Variants in CTXN2 observed in about 807,000 individuals in gnomAD.
CTXN2 encodes the protein cortexin-2.
CTXN2 carries 3 observed loss-of-function variants against 5.7 expected under a neutral mutation model. That is an observed-to-expected ratio of 0.53 (90% CI 0.24 to 1.36). The LOEUF (loss-of-function observed/expected upper bound fraction) is 1.36, where lower values mean the gene tolerates loss of function less well. CTXN2 is among the 40% of genes most tolerant of loss of function. The pLI, the probability that CTXN2 is intolerant of heterozygous loss-of-function variation, is 0.17. For synonymous variants in CTXN2, 38 were observed against 36.4 expected, an observed-to-expected ratio of 1.04 and a Z score of -0.16; for missense variants, 87 against 93.0, an observed-to-expected ratio of 0.94 and a Z score of 0.26.
chr15:48,183,899 A>G (rs2040723655), intron 1 of CTXN2, among the ~76,000 whole-genome samples: 1 of 152,240 alleles, frequency 6.6e-6, no homozygotes, highest in Non-Finnish European at 1.5e-5. Context: ...AGCACTCTGA[A>G]TATTTCTGGA....
chr15:48,196,499 A>G (rs1436643466), intron 1 of CTXN2, among the ~76,000 whole-genome samples: 1 of 152,212 alleles, frequency 6.6e-6, no homozygotes, highest in Non-Finnish European at 1.5e-5. Context: ...ATGATTATAG[A>G]ACCCGATATT....
At chr15:48,197,840 C>G (rs1261074344) in intron 1 of CTXN2, among the ~76,000 whole-genome samples, 4 of 152,118 alleles carry the variant, frequency 2.6e-5, no homozygotes, top group Non-Finnish European at 4.4e-5. Flanking sequence ...AACAGTGACT[C>G]TGCATATCTA....
intron 1 of CTXN2, 178 bp downstream of exon 1, chr15:48,192,031 T>C (rs1349193607): frequency 5.8e-6 from 2 of 341,972 alleles, no homozygotes; most frequent in Non-Finnish European, 1.2e-5. Context: ...GTTCAAATTC[T>C]AAAGGAGAAA....
At chr15:48,191,893 C>T in intron 1 of CTXN2, 40 bp downstream of exon 1, 1 of 451,314 alleles carries the variant, frequency 2.2e-6, no homozygotes, top group South Asian at 1.6e-5. Context: ...TCTCCCCCTT[C>T]CCTCCGCATT....
intron 1 of CTXN2, among the ~76,000 whole-genome samples, chr15:48,200,046 CT>C (rs1430848194): frequency 3.9e-5 from 6 of 152,126 alleles, no homozygotes; most frequent in African/African-American, 1.4e-4. Context: ...ACAAGTCCTG[CT>C]TTTCTTACTC....
chr15:48,201,620 G>C lies in CTXN2; in HGVS notation c.*74G>C. On this transcript the variant is annotated 3_prime_UTR_variant, in exon 2 of 2. Transcript: ENST00000417307. ...GGATACAATTGTAACTACCTTGAGG[G>C]TGTGGGAGAGAGGCTCATTTTGTTC... 7.0e-7 allele frequency: 1 copy of C among 1,431,090 alleles called. No homozygotes were observed. Among genetic ancestry groups the C allele is most frequent in the South Asian group, 1.3e-5 (1 of 74,950 alleles). The allele number at this position is 1,431,090 out of a possible 1,614,324, so 88.6% of individuals were successfully genotyped here. A position where few individuals can be genotyped will look rare whatever the true frequency, so the allele number is the denominator to read the frequency against.
chr15:48,181,998 C>A (rs975387774), intron 1 of CTXN2, among the ~76,000 whole-genome samples: 2 of 152,040 alleles, frequency 1.3e-5, no homozygotes, highest in Non-Finnish European at 2.9e-5. Context: ...ATAGAAAGTT[C>A]ATTCTGTGAT....
At chr15:48,189,929 C>T (rs1383444307), upstream of CTXN2, 1 of 152,350 alleles carries the variant, frequency 6.6e-6, no homozygotes, top group Admixed American at 6.5e-5. Flanking sequence ...CTGCCTCAGT[C>T]TCCTGAGTAG....
chr15:48,188,398 G>A (rs2040779855), upstream of CTXN2, among the ~76,000 whole-genome samples: 1 of 152,226 alleles, frequency 6.6e-6, no homozygotes, highest in South Asian at 2.1e-4. Context: ...GTTGATTTAA[G>A]TGAGGTATGA....
At chr15:48,197,656 A>G (rs2040892169) in intron 1 of CTXN2, among the ~76,000 whole-genome samples, 1 of 152,082 alleles carries the variant, frequency 6.6e-6, no homozygotes. Context: ...TCTTAACAGC[A>G]TTCTGACAGT....
At chr15:48,199,535 C>A (rs2040911070) in intron 1 of CTXN2, among the ~76,000 whole-genome samples, 1 of 152,174 alleles carries the variant, frequency 6.6e-6, no homozygotes, top group African/African-American at 2.4e-5. Flanking sequence ...AGAGAAACAT[C>A]CTGCTATTCA....
Position 48,201,346 on chromosome 15 carries a change from A to G in CTXN2, c.46A>G (p.Asn16Asp). 1.3e-6 allele frequency: 2 copies of G among 1,551,348 alleles called. No homozygotes were observed. The highest frequency in any genetic ancestry group is 8.7e-7 in the Non-Finnish European group (1 of 1,146,700). ...CGNSSAKMSV[N>D]EVSAFSLTLE... Reference sequence around the variant, plus strand: ...CAACTCTTCAGCTAAGATGAGTGTCAACGAAGTATCAGCTTTCTCATTGAC... The same window carrying G: ...CAACTCTTCAGCTAAGATGAGTGTCGACGAAGTATCAGCTTTCTCATTGAC... Residue 16 changes from asparagine to aspartate, a missense_variant, in exon 2 of 2, where the codon AAC becomes GAC. Asn to Asp is a conservative substitution (Grantham distance 23). Coordinates refer to ENST00000417307, the MANE Select transcript of CTXN2 (RefSeq NM_001145668.2).
At position 48,201,249 on chromosome 15, in the gene CTXN2, G is replaced by A; in HGVS notation, c.-52G>A. ...GAGTCCAATTTTGTACCTAGGCAAA[G>A]AGTTGATTCCAGAAGGAACTGTGAA... On this transcript the variant is annotated 5_prime_UTR_variant, in exon 2 of 2. Coordinates refer to ENST00000417307, the MANE Select transcript of CTXN2 (RefSeq NM_001145668.2). The A allele has an allele frequency of 2.6e-6, 4 of 1,541,214 alleles. No individual in the cohort carries two copies. The highest frequency in any genetic ancestry group is 2.6e-6 in the Non-Finnish European group (3 of 1,139,952).
chr15:48,201,137 T>C (rs576558401), intron 1 of CTXN2, 107 bp from the exon 2 acceptor site: 2 of 641,332 alleles, frequency 3.1e-6, no homozygotes, highest in South Asian at 2.0e-5. Context: ...CAAACATCTT[T>C]TGTGAGTTAA....
At position 48,197,014 on chromosome 15, in the gene CTXN2, ATT is replaced by A. The variant is rs5812437; in HGVS notation, c.-57-4217_-57-4216del. 9.7e-3 allele frequency among the ~76,000 whole-genome samples: 1,408 copies of A among 144,696 alleles called. 35 individuals carry two copies. Among genetic ancestry groups the A allele is most frequent in the African/African-American group, 0.034 (1,348 of 40,166 alleles). 94.9% of individuals were successfully genotyped at this position (144,696 alleles called of 152,430 possible). A position where few individuals can be genotyped will look rare whatever the true frequency, so the allele number is the denominator to read the frequency against. Reference sequence around the variant, plus strand: ...AAGTATTATCCGCTTACATTGTTTGATTTTTTTTTTTTTTCATTTCTAAAGCC... The same window carrying A: ...AAGTATTATCCGCTTACATTGTTTGATTTTTTTTTTTTCATTTCTAAAGCC... On this transcript the variant is annotated intron_variant, in intron 1 of 1. Coordinates refer to ENST00000417307, the MANE Select transcript of CTXN2 (RefSeq NM_001145668.2).
chr15:48,202,883 G>A lies in CTXN2; in HGVS notation c.*1337G>A, dbSNP rs2040939511. The A allele has an allele frequency of 6.1e-6, 1 of 165,076 alleles. No homozygotes were observed. Among genetic ancestry groups the A allele is most frequent in the South Asian group, 2.1e-4 (1 of 4,822 alleles). The allele number at this position is 165,076 out of a possible 1,614,324, so 10.2% of individuals were successfully genotyped here. A position where few individuals can be genotyped will look rare whatever the true frequency, so the allele number is the denominator to read the frequency against. ...CTATGAGTCAGAATGGAGGAACATA[G>A]CAGGAGATAAATACAAAAATATTTA... is the stretch of plus-strand genomic sequence containing the variant. On this transcript the variant is annotated 3_prime_UTR_variant, in exon 2 of 2. Coordinates refer to ENST00000417307, the MANE Select transcript of CTXN2 (RefSeq NM_001145668.2).
chr15:48,187,541 T>G (rs1335407564), upstream of CTXN2, among the ~76,000 whole-genome samples: 3 of 152,192 alleles, frequency 2.0e-5, no homozygotes, highest in Non-Finnish European at 4.4e-5. Flanking sequence ...AAGTAACATG[T>G]TGGCCTCATA....
At position 48,201,379 on chromosome 15, in the gene CTXN2, C is replaced by CA. The variant is rs2040927836; in HGVS notation, c.85dup (p.Thr29AsnfsTer29). ...ATCAGCTTTCTCATTGACTCTGGAG[C>CA]AAAAAACTGGCTTTGCTTTTGTTGG... On this transcript the variant is annotated frameshift_variant, in exon 2 of 2. Transcript: ENST00000417307. LOFTEE classifies it high-confidence loss of function. The CA allele has an allele frequency of 5.2e-6, 8 of 1,551,178 alleles. No homozygotes were observed. The highest frequency in any genetic ancestry group is 2.4e-5 in the East Asian group (1 of 40,918).
chr15:48,180,581 T>G (rs916094665), intron 1 of CTXN2, among the ~76,000 whole-genome samples: 5 of 152,188 alleles, frequency 3.3e-5, no homozygotes, highest in African/African-American at 1.2e-4. Context: ...GCGCCATCTC[T>G]GCTCACTGCA....
Sources: allele counts gnomAD v4.1 joint callset (sites outside exome capture counted in the v4.1 genomes callset), GRCh38; gene constraint gnomAD v4.1.1; transcripts MANE v1.5; gene names NCBI Gene and HGNC (gene_info 2026-07-23, HGNC 2026-07-21).